Variants in FOXO4 observed in about 807,000 individuals in gnomAD.
The protein encoded by FOXO4 is forkhead box O4.
A neutral mutation model predicts 20.8 loss-of-function variants in FOXO4; 3 were observed. The observed-to-expected ratio is 0.14, with a 90% CI of 0.07 to 0.37. FOXO4 has a LOEUF of 0.37. Ranked by LOEUF, FOXO4 falls within the 10% of genes least tolerant of loss-of-function variation. The pLI, the probability that FOXO4 is intolerant of heterozygous loss-of-function variation, is 1.00. For synonymous variants in FOXO4, 158 were observed against 180.0 expected, an observed-to-expected ratio of 0.88 and a Z score of 0.98; for missense variants, 309 against 431.9, an observed-to-expected ratio of 0.72 and a Z score of 2.52.
In FOXO4 at chrX:71,102,288, AG is replaced by A. The variant is rs2092233775; in HGVS notation, c.*208del. On this transcript the variant is annotated 3_prime_UTR_variant, in exon 3 of 3. Coordinates refer to ENST00000374259, the MANE Select transcript of FOXO4 (RefSeq NM_005938.4). ...TATGGGGAGGGAGATGGGAGGGGAA[AG>A]GGGAGAGGGTTTTTCTCACTGTGCC... 2.2e-6 allele frequency: 1 copy of A among 445,425 alleles called. No homozygotes were observed. Among genetic ancestry groups the A allele is most frequent in the African/African-American group, 2.5e-5 (1 of 40,687 alleles). 36.7% of individuals were successfully genotyped at this position (445,425 alleles called of 1,213,427 possible). A position where few individuals can be genotyped will look rare whatever the true frequency, so the allele number is the denominator to read the frequency against.
At chrX:71,099,013 C>A (rs2092224417) in intron 1 of FOXO4, among the ~76,000 whole-genome samples, 1 of 111,489 alleles carries the variant, frequency 9.0e-6, no homozygotes, top group Admixed American at 9.5e-5. Context: ...CTGACCGTCC[C>A]ATGTACTCAG....
In FOXO4 at chrX:71,096,701, T is replaced by C; in HGVS notation, c.173T>C (p.Val58Ala). Residue 58 changes from valine (V) to alanine (A), a missense_variant, in exon 1 of 3, where the codon GTA becomes GCA. Around this residue, in one of 3 missense-constraint regions of FOXO4, gnomAD observed 81 missense variants for 94.2 expected, o/e 0.86. Coordinates refer to ENST00000374259, the MANE Select transcript of FOXO4 (RefSeq NM_005938.4). ...PEVEPDLGEK[V>A]HTEGRSEPIL... ...GTGGAGCCAGATCTGGGGGAAAAGG[T>C]ACACACGGAGGGGCGCTCAGAGCCG... is the stretch of plus-strand genomic sequence containing the variant. 1 of 1,208,455 alleles carries C rather than the reference T, an allele frequency of 8.3e-7. No individual in the cohort carries two copies. The highest frequency in any genetic ancestry group is 1.1e-6 in the Non-Finnish European group (1 of 894,041).
At position 71,101,975 on chromosome X, in the gene FOXO4, G is replaced by A. The variant is rs2092232860; in HGVS notation, c.1511-102G>A. On this transcript the variant is annotated intron_variant, in intron 2 of 2. Coordinates refer to ENST00000374259, the MANE Select transcript of FOXO4 (RefSeq NM_005938.4). ...ACAGAAAAGGTATGTGTATGGAAGC[G>A]GGTTAGGTGCCACCATCTTCTTTGG... 7 of 970,814 alleles carry A rather than the reference G, an allele frequency of 7.2e-6. No homozygotes were observed. In the African/African-American group the frequency reaches 7.6e-5, roughly 11 times the overall value. The allele number at this position is 970,814 out of a possible 1,213,427, so 80.0% of individuals were successfully genotyped here.
In FOXO4 at chrX:71,096,589, G is replaced by T. The variant is rs774406229; in HGVS notation, c.61G>T (p.Asp21Tyr). 2.5e-6 allele frequency: 3 copies of T among 1,210,432 alleles called. No individual in the cohort carries two copies. The South Asian group carries it at 5.3e-5, about 21-fold the overall frequency. Residue 21 changes from aspartate (D) to tyrosine (Y), a missense_variant, in exon 1 of 3, where the codon GAC (aspartate) becomes TAC (tyrosine). By Grantham distance (160) the Asp-to-Tyr change is radical. Around this residue, in one of 3 missense-constraint regions of FOXO4, gnomAD observed 81 missense variants for 94.2 expected, o/e 0.86. Transcript: ENST00000374259. ...EAAAIIDLDP[D>Y]FEPQSRPRSC... ...TGCCGCGATCATAGACCTAGATCCC[G>T]ACTTCGAACCCCAGAGCCGTCCCCG...
Position 71,100,994 on chromosome X carries a change from C to A in FOXO4, c.764C>A (p.Thr255Asn). ...CGTGAAGAAGCCGATATGTGGACCA[C>A]CTTCCGTCCACGAAGCAGTTCAAAT... Reference protein sequence around the residue: ...RNREEADMWTTFRPRSSSNAS... With the variant: ...RNREEADMWTNFRPRSSSNAS... The change falls in exon 2 of 3, where the codon ACC (threonine) becomes AAC (asparagine). Residue 255 changes from threonine (T) to asparagine (N), a missense_variant. Physicochemically the swap from Thr to Asn is moderately conservative, Grantham distance 65. Transcript: ENST00000374259. The A allele has an allele frequency of 1.7e-6, 2 of 1,211,402 alleles. No individual in the cohort carries two copies. The highest frequency in any genetic ancestry group is 2.2e-6 in the Non-Finnish European group (2 of 895,156).
In FOXO4 at chrX:71,096,399, G is replaced by T. The variant is rs1324554585; in HGVS notation, c.-130G>T. ...ACTAGCGTCCTGGGACTAGGGGGAA[G>T]TTCGCGACTTTCTGAAGACTGGCAG... On this transcript the variant is annotated 5_prime_UTR_variant, in exon 1 of 3. Transcript: ENST00000374259. The T allele has an allele frequency of 1.7e-6, 1 of 577,989 alleles. No individual in the cohort carries two copies. The highest frequency in any genetic ancestry group is 2.3e-5 in the African/African-American group (1 of 44,349). The allele number at this position is 577,989 out of a possible 1,213,427, so 47.6% of individuals were successfully genotyped here.
intron 1 of FOXO4, among the ~76,000 whole-genome samples, chrX:71,097,280 A>G (rs1434141303): frequency 9.0e-6 from 1 of 111,200 alleles, no homozygotes; most frequent in Non-Finnish European, 1.9e-5. Flanking sequence ...GGCTGCCCCA[A>G]ACACTTATTC....
rs948867256 is a variant in FOXO4, at chrX:71,102,922, G to C, written c.*838G>C. 1.2e-5 allele frequency: 2 copies of C among 171,631 alleles called. No homozygotes were observed. The highest frequency in any genetic ancestry group is 2.2e-5 in the Non-Finnish European group (2 of 89,953). 14.1% of individuals were successfully genotyped at this position (171,631 alleles called of 1,213,427 possible). A position where few individuals can be genotyped will look rare whatever the true frequency, so the allele number is the denominator to read the frequency against. On this transcript the variant is annotated 3_prime_UTR_variant, in exon 3 of 3. Transcript: ENST00000374259. The stretch of plus-strand genomic sequence containing the variant: ...TTCCCTAACAAAAAAGCTAACCCAG[G>C]TCCCCTCATTCCTTCAACTTGTGCC...
intron 1 of FOXO4, 21 bp from the exon 2 acceptor site, chrX:71,100,663 C>T (rs1424290336): frequency 8.7e-7 from 1 of 1,155,761 alleles, no homozygotes; most frequent in South Asian, 2.0e-5. Flanking sequence ...CGCCCCTTTC[C>T]TGCCATCTCT....
intron 1 of FOXO4, among the ~76,000 whole-genome samples, chrX:71,098,893 C>G (rs753175206): frequency 2.7e-5 from 3 of 111,031 alleles, no homozygotes; most frequent in Non-Finnish European, 5.7e-5. Context: ...CCTCAGGGTC[C>G]CAGGAACACA....
chrX:71,101,271 C>T lies in FOXO4; in HGVS notation c.1041C>T (p.Ser347=), dbSNP rs976466236. Residue 347 remains serine (S), a synonymous_variant, in exon 2 of 3, where the codon AGC becomes AGT. Coordinates refer to ENST00000374259, the MANE Select transcript of FOXO4 (RefSeq NM_005938.4). ...PLHTYSSSLF[S]PAEGPLSAGE... ...ACACCTACAGCAGCTCCCTTTTCAG[C>T]CCAGCAGAGGGGCCCCTGTCAGCAG... The T allele has an allele frequency of 5.8e-6, 7 of 1,209,235 alleles. No individual in the cohort carries two copies. The African/African-American group carries it at 1.2e-4, about 21-fold the overall frequency.
Position 71,101,447 on chromosome X carries a change from G to A in FOXO4, c.1217G>A (p.Ser406Asn), listed in dbSNP as rs2092231552. The change falls in exon 2 of 3, where the codon AGT becomes AAT. Residue 406 changes from serine to asparagine, a missense_variant. Around this residue, in one of 3 missense-constraint regions of FOXO4, gnomAD observed 223 missense variants for 302.7 expected, o/e 0.74. Coordinates refer to ENST00000374259, the MANE Select transcript of FOXO4 (RefSeq NM_005938.4). ...TTGCTGGGGGGGCTTCCTTCCTCCA[G>A]TAAGCTGGCCACGGGCGTCGGCCTG... ...LLLLGGLPSS[S>N]KLATGVGLCP... 4.1e-6 allele frequency: 5 copies of A among 1,211,614 alleles called. No homozygotes were observed. The highest frequency in any genetic ancestry group is 5.6e-6 in the Non-Finnish European group (5 of 895,475).
Position 71,097,122 on chromosome X carries a change from C to T in FOXO4, c.453+141C>T, listed in dbSNP as rs1602281567. 7 of 469,102 alleles carry T rather than the reference C, an allele frequency of 1.5e-5. No homozygotes were observed. The South Asian group carries it at 2.3e-4, about 15-fold the overall frequency. 38.7% of individuals were successfully genotyped at this position (469,102 alleles called of 1,213,427 possible). A position where few individuals can be genotyped will look rare whatever the true frequency, so the allele number is the denominator to read the frequency against. On this transcript the variant is annotated intron_variant, in intron 1 of 2. Coordinates refer to ENST00000374259, the MANE Select transcript of FOXO4 (RefSeq NM_005938.4). The stretch of plus-strand genomic sequence containing the variant: ...AAGCCCAGAGATCCACCTTCAATCT[C>T]CAGTTAGACAAACATTTACTTAGTA...
chrX:71,097,202 C>T, intron 1 of FOXO4, among the ~76,000 whole-genome samples: 1 of 110,176 alleles, frequency 9.1e-6, no homozygotes, highest in Non-Finnish European at 1.9e-5. Flanking sequence ...ATGAATAAGA[C>T]ACTGTCCCTG....
intron 2 of FOXO4, 154 bp downstream of exon 2, chrX:71,101,894 T>C: frequency 1.5e-6 from 1 of 664,980 alleles, no homozygotes; most frequent in Non-Finnish European, 2.4e-6. Flanking sequence ...TACAGTAGCA[T>C]AGTTTCCGGA....
Position 71,096,211 on chromosome X carries a change from A to G in FOXO4, c.-318A>G. ...TGATGGGAGCGCAATATATGAGGGG[A>G]TACAGTGCCTCAGGTTTAAAAGAGC... is the stretch of plus-strand genomic sequence containing the variant. On this transcript the variant is annotated 5_prime_UTR_variant, in exon 1 of 3. Coordinates refer to ENST00000374259, the MANE Select transcript of FOXO4 (RefSeq NM_005938.4). 2 of 336,221 alleles carry G rather than the reference A, an allele frequency of 5.9e-6. No individual in the cohort carries two copies. Among genetic ancestry groups the G allele is most frequent in the Non-Finnish European group, 1.0e-5 (2 of 192,490 alleles). 27.7% of individuals were successfully genotyped at this position (336,221 alleles called of 1,213,427 possible). A position where few individuals can be genotyped will look rare whatever the true frequency, so the allele number is the denominator to read the frequency against.
chrX:71,100,959 C>G lies in FOXO4; in HGVS notation c.729C>G (p.Cys243Trp), dbSNP rs1322772159. The change falls in exon 2 of 3, where the codon TGC becomes TGG. Residue 243 changes from cysteine (C) to tryptophan (W), a missense_variant. Coordinates refer to ENST00000374259, the MANE Select transcript of FOXO4 (RefSeq NM_005938.4). ...TTGCCAAGTGGTCAGGCAGCCCTTG[C>G]TCTCGAAACCGTGAAGAAGCCGATA... ...GHFAKWSGSP[C>W]SRNREEADMW... The G allele has an allele frequency of 8.3e-7, 1 of 1,211,142 alleles. No homozygotes were observed. Among genetic ancestry groups the G allele is most frequent in the Non-Finnish European group, 1.1e-6 (1 of 895,153 alleles).
Position 71,096,590 on chromosome X carries a change from A to G in FOXO4, c.62A>G (p.Asp21Gly). 8.3e-7 allele frequency: 1 copy of G among 1,210,422 alleles called. No homozygotes were observed. Among genetic ancestry groups the G allele is most frequent in the Non-Finnish European group, 1.1e-6 (1 of 894,744 alleles). ...EAAAIIDLDPDFEPQSRPRSC... is the reference protein window; with the variant it reads ...EAAAIIDLDPGFEPQSRPRSC... Reference sequence around the variant, plus strand: ...GCCGCGATCATAGACCTAGATCCCGACTTCGAACCCCAGAGCCGTCCCCGC... The same window carrying G: ...GCCGCGATCATAGACCTAGATCCCGGCTTCGAACCCCAGAGCCGTCCCCGC... The change falls in exon 1 of 3, where the codon GAC (aspartate) becomes GGC (glycine). Residue 21 changes from aspartate to glycine, a missense_variant. Asp to Gly is a moderately conservative substitution (Grantham distance 94, BLOSUM62 -1). Around this residue, in one of 3 missense-constraint regions of FOXO4, gnomAD observed 81 missense variants for 94.2 expected, o/e 0.86. Coordinates refer to ENST00000374259, the MANE Select transcript of FOXO4 (RefSeq NM_005938.4).
At position 71,101,075 on chromosome X, in the gene FOXO4, C is replaced by A; in HGVS notation, c.845C>A (p.Ala282Glu). ...TTGAGGCCAGAGTCTGAGGTGCTGG[C>A]GGAGGAAATACCAGCTTCAGTCAGC... ...SPLRPESEVL[A>E]EEIPASVSSY... The change falls in exon 2 of 3, where the codon GCG becomes GAG. Residue 282 changes from alanine (A) to glutamate (E), a missense_variant. Transcript: ENST00000374259. 2.5e-6 allele frequency: 3 copies of A among 1,211,505 alleles called. No individual in the cohort carries two copies. Among genetic ancestry groups the A allele is most frequent in the Non-Finnish European group, 2.2e-6 (2 of 895,388 alleles).
Sources: gnomAD v4.1 joint callset for allele counts (sites outside exome capture counted in the v4.1 genomes callset) on GRCh38, gnomAD v4.1.1 for gene constraint, gnomAD v4.1.1 regional missense constraint, MANE v1.5 for transcripts, NCBI Gene and HGNC (gene_info 2026-07-23, HGNC 2026-07-21) for gene names.